DMD: variants seen among roughly 807,000 people sequenced by gnomAD.
DMD encodes the protein mutant dystrophin.
Under a neutral mutation model 330.1 loss-of-function variants are expected in DMD, and 63 were observed. The observed-to-expected ratio is 0.19, with a 90% CI of 0.16 to 0.24. DMD has a LOEUF of 0.24. Among genes scored for constraint, DMD ranks in the 10% least tolerant of loss-of-function variants. DMD has a pLI of 1.00. For synonymous variants in DMD, 1,223 were observed against 959.8 expected, an observed-to-expected ratio of 1.27 and a Z score of -5.07; for missense variants, 3,344 against 2,684.1, an observed-to-expected ratio of 1.25 and a Z score of -5.43.
intron 17 of DMD, among the ~76,000 whole-genome samples, chrX:32,538,204 T>G (rs1387055538): frequency 5.3e-5 from 6 of 112,510 alleles, no homozygotes; most frequent in African/African-American, 1.9e-4. Context: ...CCCTATGACC[T>G]GCACCTTTAC....
intron 55 of DMD, among the ~76,000 whole-genome samples, chrX:31,607,448 T>C (rs746023835): frequency 3.6e-5 from 4 of 112,270 alleles, no homozygotes; most frequent in Non-Finnish European, 5.6e-5. Flanking sequence ...TCAAACTCCT[T>C]GTGACATTTT....
chrX:33,010,208 G>GTATATA (rs1439205575), intron 2 of DMD, among the ~76,000 whole-genome samples: 3 of 93,428 alleles, frequency 3.2e-5, no homozygotes, highest in Admixed American at 1.1e-4. Flanking sequence ...GCATATGTGT[G>GTATATA]TGTATATGTA....
At chrX:32,089,461 C>A (rs1223568301) in intron 44 of DMD, among the ~76,000 whole-genome samples, 1 of 111,014 alleles carries the variant, frequency 9.0e-6, no homozygotes, top group African/African-American at 3.3e-5. Flanking sequence ...CCAGTAGGCC[C>A]CAGTGTGTGT....
chrX:31,291,250 T>C (rs2053670343), intron 62 of DMD, among the ~76,000 whole-genome samples: 1 of 111,708 alleles, frequency 9.0e-6, no homozygotes, highest in African/African-American at 3.2e-5. Flanking sequence ...AGTTTTTTTT[T>C]TTTTAATCTG....
Position 32,216,611 on chromosome X carries a change from C to T in DMD, c.6438+305G>A, listed in dbSNP as rs150826472. 2.6e-3 allele frequency among the ~76,000 whole-genome samples: 292 copies of T among 111,646 alleles called. 1 individual carries two copies. The highest frequency in any genetic ancestry group is 9.2e-3 in the African/African-American group (283 of 30,775). ...TTCCAACATAAAGCCGAAATACACA[C>T]TGCCCCAAAGCCACAAAACACCTTG... On this transcript the variant is annotated intron_variant, in intron 44 of 78. Transcript: ENST00000357033.
At chrX:32,788,407 A>AC (rs1340633452) in intron 7 of DMD, among the ~76,000 whole-genome samples, 1 of 112,047 alleles carries the variant, frequency 8.9e-6, no homozygotes, top group African/African-American at 3.2e-5. Flanking sequence ...TATATGGAGC[A>AC]CATTTGGGTG....
chrX:32,457,061 G>GAA (rs112428143), intron 25 of DMD, among the ~76,000 whole-genome samples: 4 of 101,352 alleles, frequency 3.9e-5, no homozygotes, highest in African/African-American at 1.4e-4. Context: ...GTAATAGGGG[G>GAA]AAAAAAAAAA....
At chrX:33,009,366 GTA>G (rs1360935559) in intron 2 of DMD, among the ~76,000 whole-genome samples, 2 of 56,479 alleles carry the variant, frequency 3.5e-5, no homozygotes, top group African/African-American at 1.6e-4. Context: ...GTGTATATGT[GTA>G]TATGTGTATA....
intron 17 of DMD, among the ~76,000 whole-genome samples, chrX:32,539,800 A>T (rs1429497599): frequency 5.4e-5 from 6 of 111,754 alleles, no homozygotes; most frequent in Non-Finnish European, 1.1e-4. Flanking sequence ...AAAGTAGAAT[A>T]TATAATAATA....
chrX:32,558,709 C>A (rs755743787), intron 16 of DMD, among the ~76,000 whole-genome samples: 1 of 111,014 alleles, frequency 9.0e-6, no homozygotes, highest in African/African-American at 3.3e-5. Context: ...CCTAGCTTAC[C>A]TTTCCTTTAA....
At chrX:33,023,111 G>T (rs1383111845) in intron 1 of DMD, among the ~76,000 whole-genome samples, 1 of 111,260 alleles carries the variant, frequency 9.0e-6, no homozygotes, top group Non-Finnish European at 1.9e-5. Flanking sequence ...ATATCATTAT[G>T]GAAACATTTT....
chrX:33,051,937 C>T lies in DMD; in HGVS notation c.32-31737G>A, dbSNP rs1474644811. Reference sequence around the variant, plus strand: ...GTGCTGGGATTACAAGTGTGAGTCACCGCGCCCGACCTAAATATCCTTTAA... The same window carrying T: ...GTGCTGGGATTACAAGTGTGAGTCATCGCGCCCGACCTAAATATCCTTTAA... On this transcript the variant is annotated intron_variant, in intron 1 of 78. Transcript: ENST00000357033. Among the ~76,000 whole-genome samples, 35 of 110,942 alleles carry T rather than the reference C, an allele frequency of 3.2e-4. No individual in the cohort carries two copies. In the Admixed American group the frequency reaches 3.2e-3, roughly 10 times the overall value.
At chrX:33,009,633 T>C (rs1204829500) in intron 2 of DMD, among the ~76,000 whole-genome samples, 1 of 62,423 alleles carries the variant, frequency 1.6e-5, no homozygotes, top group Non-Finnish European at 3.2e-5. Context: ...TGTGTGTATG[T>C]GTATATACAC....
At chrX:31,408,992 G>A (rs1481596442) in intron 60 of DMD, among the ~76,000 whole-genome samples, 3 of 109,967 alleles carry the variant, frequency 2.7e-5, no homozygotes, top group Admixed American at 9.8e-5. Flanking sequence ...TTGTCCATGT[G>A]TTCTCATTGT....
intron 13 of DMD, among the ~76,000 whole-genome samples, chrX:32,584,980 G>A (rs2054064594): frequency 9.0e-6 from 1 of 110,961 alleles, no homozygotes. Flanking sequence ...CAGATAACAG[G>A]TTATATATAC....
intron 44 of DMD, among the ~76,000 whole-genome samples, chrX:31,981,192 G>T (rs1376262960): frequency 9.0e-6 from 1 of 111,656 alleles, no homozygotes; most frequent in Non-Finnish European, 1.9e-5. Flanking sequence ...GAGTCAAGTG[G>T]CATCTGTCTT....
intron 62 of DMD, among the ~76,000 whole-genome samples, chrX:31,315,695 A>T (rs142257932): frequency 0.055 from 6,205 of 112,248 alleles, 178 homozygotes; most frequent in Non-Finnish European, 0.087. Flanking sequence ...CCATACACAC[A>T]TTAAATTTTA....
intron 1 of DMD, among the ~76,000 whole-genome samples, chrX:33,312,138 A>G (rs1320280765): frequency 9.0e-6 from 1 of 111,247 alleles, no homozygotes; most frequent in Non-Finnish European, 1.9e-5. Context: ...ACAGGAATAA[A>G]AAAGGAATAA....
chrX:32,402,255 T>C (rs1170037660), intron 30 of DMD, among the ~76,000 whole-genome samples: 1 of 111,719 alleles, frequency 9.0e-6, no homozygotes, highest in African/African-American at 3.2e-5. Context: ...GTGAAAAAGT[T>C]GATGGTAACC....
Sources: allele counts gnomAD v4.1 joint callset (sites outside exome capture counted in the v4.1 genomes callset), GRCh38; gene constraint gnomAD v4.1.1; transcripts MANE v1.5; gene names NCBI Gene and HGNC (gene_info 2026-07-23, HGNC 2026-07-21).